The following MTMR7 variants were observed in gnomAD, a reference collection of about 807,000 sequenced individuals.
MTMR7 encodes myotubularin related protein 7, also known as phosphatidylinositol-3-phosphate phosphatase MTMR7.
In MTMR7, 76 loss-of-function variants were observed where a neutral mutation model predicts 81.2. The observed-to-expected ratio is 0.94, with a 90% confidence interval of 0.78 to 1.13. The LOEUF (loss-of-function observed/expected upper bound fraction) is 1.13. Among genes scored for constraint, MTMR7 ranks in the 50% most tolerant of loss-of-function variants. The pLI is 0.00. For missense variants in MTMR7, 1,044 were observed against 820.0 expected (o/e 1.27, Z -3.34); for synonymous variants, 372 against 289.8 (o/e 1.28, Z -2.88).
At chr8:17,332,193 A>T (rs1819036067) in intron 6 of MTMR7, among the ~76,000 whole-genome samples, 1 of 151,624 alleles carries the variant, frequency 6.6e-6, no homozygotes, top group Non-Finnish European at 1.5e-5. Flanking sequence ...TAACCCAGGC[A>T]GAGAACCTAC....
chr8:17,365,965 C>A (rs1434699410), intron 3 of MTMR7, among the ~76,000 whole-genome samples: 1 of 152,176 alleles, frequency 6.6e-6, no homozygotes, highest in Non-Finnish European at 1.5e-5. Flanking sequence ...TTTGGCTGAT[C>A]TTATTCTAGC....
intron 7 of MTMR7, among the ~76,000 whole-genome samples, chr8:17,329,730 C>A (rs572412801): frequency 6.6e-6 from 1 of 152,286 alleles, no homozygotes; most frequent in South Asian, 2.1e-4. Flanking sequence ...ACCAAGGAGT[C>A]CAATTTTTCA....
intron 7 of MTMR7, among the ~76,000 whole-genome samples, chr8:17,315,804 G>T (rs1818035833): frequency 6.6e-6 from 1 of 152,076 alleles, no homozygotes; most frequent in African/African-American, 2.4e-5. Context: ...TTGAGTCAAG[G>T]AGTTCAAGAA....
At chr8:17,408,246 G>T (rs565705885) in intron 1 of MTMR7, among the ~76,000 whole-genome samples, 1 of 115,560 alleles carries the variant, frequency 8.7e-6, no homozygotes, top group African/African-American at 2.6e-5. Context: ...AAAATTAGCC[G>T]GGCGTAGTGG....
At chr8:17,319,684 T>C (rs559217957) in intron 7 of MTMR7, among the ~76,000 whole-genome samples, 4 of 152,316 alleles carry the variant, frequency 2.6e-5, no homozygotes, top group East Asian at 3.9e-4. Context: ...TCATTCTTGA[T>C]TGTGGAAACC....
At chr8:17,343,408 C>T (rs941762989) in intron 5 of MTMR7, among the ~76,000 whole-genome samples, 3 of 151,724 alleles carry the variant, frequency 2.0e-5, no homozygotes, top group African/African-American at 4.8e-5. Flanking sequence ...CCAGCCCGGG[C>T]GACAGTGAAA....
intron 1 of MTMR7, among the ~76,000 whole-genome samples, chr8:17,397,279 T>A (rs537115100): frequency 3.8e-4 from 58 of 152,268 alleles, no homozygotes; most frequent in African/African-American, 1.3e-3. Flanking sequence ...TTGGGGTCCC[T>A]GATTCCAGGC....
intron 7 of MTMR7, among the ~76,000 whole-genome samples, chr8:17,328,140 T>G (rs1366316028): frequency 6.6e-6 from 1 of 152,176 alleles, no homozygotes; most frequent in Non-Finnish European, 1.5e-5. Flanking sequence ...CTAGGTGACC[T>G]CCAAAAGATG....
intron 1 of MTMR7, among the ~76,000 whole-genome samples, chr8:17,408,362 G>T (rs1183415814): frequency 5.8e-5 from 3 of 51,296 alleles, no homozygotes; most frequent in African/African-American, 1.2e-4. Context: ...GCAGTCCACA[G>T]TCCGGCCTGG....
At chr8:17,352,843 G>A (rs1464455616) in intron 4 of MTMR7, among the ~76,000 whole-genome samples, 1 of 152,158 alleles carries the variant, frequency 6.6e-6, no homozygotes, top group Non-Finnish European at 1.5e-5. Context: ...AGTGCACTGT[G>A]GATGGGGATA....
chr8:17,402,682 T>C (rs185015453), intron 1 of MTMR7, among the ~76,000 whole-genome samples: 4 of 152,338 alleles, frequency 2.6e-5, no homozygotes, highest in Admixed American at 6.5e-5. Flanking sequence ...CTTAGTTTGC[T>C]TCCAAATCTC....
At position 17,300,017 on chromosome 8, in the gene MTMR7, G is replaced by A. The variant is rs773786079; in HGVS notation, c.1828C>T (p.Leu610=). 2 of 1,614,154 alleles carry A rather than the reference G, an allele frequency of 1.2e-6. No individual in the cohort carries two copies. Among genetic ancestry groups the A allele is most frequent in the Admixed American group, 1.7e-5 (1 of 60,014 alleles). ...DSALILTQDN[L]KSSDPDLSAN... is the part of the protein sequence containing the mutation. ...GACAGATCTGGATCTGAACTTTTCA[G>A]ATTGTCTTGGGTTAGAATCAGAGCA... The change falls in exon 14 of 14, where the codon CTG becomes TTG. Residue 610 remains leucine (L), a synonymous_variant. Transcript: ENST00000180173.
intron 1 of MTMR7, among the ~76,000 whole-genome samples, chr8:17,380,968 C>A (rs543364362): frequency 7.2e-5 from 11 of 152,128 alleles, no homozygotes; most frequent in Admixed American, 6.5e-4. Flanking sequence ...AAGATTGACA[C>A]TAGCAGACTT....
intron 5 of MTMR7, among the ~76,000 whole-genome samples, chr8:17,348,260 G>A (rs745779325): frequency 3.9e-5 from 6 of 151,952 alleles, no homozygotes; most frequent in Non-Finnish European, 8.8e-5. Context: ...TAATAAGGCC[G>A]GGCACAGTGG....
intron 1 of MTMR7, among the ~76,000 whole-genome samples, chr8:17,375,478 A>ATTT (rs1249168486): frequency 8.4e-5 from 11 of 130,808 alleles, no homozygotes; most frequent in African/African-American, 2.9e-4. Flanking sequence ...CTACTAGCTT[A>ATTT]TGTTTTTTTT....
chr8:17,361,536 C>G (rs1331221010), intron 3 of MTMR7, among the ~76,000 whole-genome samples: 1 of 152,124 alleles, frequency 6.6e-6, no homozygotes, highest in African/African-American at 2.4e-5. Flanking sequence ...CCATTTTGTG[C>G]TTTTTTTGTT....
At chr8:17,389,962 T>C (rs1354781664) in intron 1 of MTMR7, among the ~76,000 whole-genome samples, 1 of 151,808 alleles carries the variant, frequency 6.6e-6, no homozygotes, top group South Asian at 2.1e-4. Flanking sequence ...GTACCAGACA[T>C]AGAGTGTTCT....
chr8:17,404,771 T>C (rs1371497729), intron 1 of MTMR7, among the ~76,000 whole-genome samples: 2 of 152,178 alleles, frequency 1.3e-5, no homozygotes, highest in Non-Finnish European at 2.9e-5. Context: ...TTTAAATACA[T>C]TGATGTTTAT....
intron 1 of MTMR7, among the ~76,000 whole-genome samples, chr8:17,380,330 C>G (rs1379368793): frequency 6.6e-6 from 1 of 152,134 alleles, no homozygotes; most frequent in African/African-American, 2.4e-5. Flanking sequence ...ACTCTATATA[C>G]CTGAGCTCAA....
Sources: allele counts gnomAD v4.1 joint callset (sites outside exome capture counted in the v4.1 genomes callset), GRCh38; gene constraint gnomAD v4.1.1; transcripts MANE v1.5; gene names NCBI Gene and HGNC (gene_info 2026-07-23, HGNC 2026-07-21).